The following NAALADL2 variants were observed in gnomAD, a reference collection of about 807,000 sequenced individuals.
NAALADL2 encodes the protein N-acetylated alpha-linked acidic dipeptidase like 2.
NAALADL2 carries 76 observed loss-of-function variants against 87.2 expected under a neutral mutation model. The ratio of observed to expected loss-of-function variants is 0.87; its 90% CI spans 0.72 to 1.05. The LOEUF is 1.05. Among genes scored for constraint, NAALADL2 ranks in the 50% least tolerant of loss-of-function variants. The probability of loss-of-function intolerance (pLI) is 0.00; values close to 1 mark genes in which losing one functional copy is unlikely to be tolerated. For missense variants in NAALADL2, 1,089 were observed against 945.8 expected (o/e 1.15, Z -1.99); for synonymous variants, 354 against 331.0 (o/e 1.07, Z -0.75).
At chr3:174,566,861 G>T (rs1300427509) in intron 2 of NAALADL2, among the ~76,000 whole-genome samples, 3 of 150,868 alleles carry the variant, frequency 2.0e-5, no homozygotes, top group East Asian at 3.9e-4. Context: ...CATTTGAGTG[G>T]TCCATGATTA....
chr3:175,237,218 GT>G (rs1168017635), intron 3 of NAALADL2, among the ~76,000 whole-genome samples: 10 of 152,026 alleles, frequency 6.6e-5, no homozygotes, highest in Non-Finnish European at 1.3e-4. Flanking sequence ...TCTTCTAGAT[GT>G]TTTTAGGCCA....
intron 11 of NAALADL2, among the ~76,000 whole-genome samples, chr3:175,680,186 G>C (rs948724992): frequency 1.3e-5 from 2 of 152,132 alleles, no homozygotes; most frequent in African/African-American, 4.8e-5. Flanking sequence ...TGATTGTTTA[G>C]TATCTTTAAG....
chr3:174,950,096 C>A (rs867081757), intron 1 of NAALADL2, among the ~76,000 whole-genome samples: 1 of 152,034 alleles, frequency 6.6e-6, no homozygotes, highest in Middle Eastern at 3.4e-3. Context: ...CAATCAATGA[C>A]AACAAAATAA....
intron 13 of NAALADL2, among the ~76,000 whole-genome samples, chr3:175,786,929 C>G (rs1476483322): frequency 6.6e-6 from 1 of 152,102 alleles, no homozygotes; most frequent in African/African-American, 2.4e-5. Context: ...TTCCTTCTAA[C>G]AGACAGGACC....
At chr3:174,796,780 T>A (rs1290575912) in intron 3 of NAALADL2, among the ~76,000 whole-genome samples, 1 of 82,560 alleles carries the variant, frequency 1.2e-5, no homozygotes, top group Non-Finnish European at 2.5e-5. Context: ...TTGTATGTCT[T>A]CTTTTGAGAA....
chr3:174,605,052 T>G (rs1458227003), intron 2 of NAALADL2, among the ~76,000 whole-genome samples: 1 of 152,184 alleles, frequency 6.6e-6, no homozygotes, highest in Non-Finnish European at 1.5e-5. Context: ...CATGACTGGC[T>G]CATTGTATGT....
intron 1 of NAALADL2, among the ~76,000 whole-genome samples, chr3:174,542,699 A>G (rs1178657534): frequency 6.6e-6 from 1 of 152,188 alleles, no homozygotes; most frequent in Non-Finnish European, 1.5e-5. Context: ...GCTTGTCAAC[A>G]TACAGATGTT....
chr3:175,343,666 T>TTTTTG (rs1762821716), intron 5 of NAALADL2, among the ~76,000 whole-genome samples: 1 of 144,052 alleles, frequency 6.9e-6, no homozygotes, highest in African/African-American at 2.5e-5. Flanking sequence ...TTTTTTTTTT[T>TTTTTG]TTTTTTTTTT....
chr3:175,277,641 A>G (rs1034293611), intron 4 of NAALADL2, among the ~76,000 whole-genome samples: 1 of 152,126 alleles, frequency 6.6e-6, no homozygotes. Flanking sequence ...AAACTCTTCA[A>G]TGGATTTTTT....
At chr3:175,637,085 T>C (rs1377018296) in intron 11 of NAALADL2, among the ~76,000 whole-genome samples, 3 of 152,246 alleles carry the variant, frequency 2.0e-5, no homozygotes, top group African/African-American at 7.2e-5. Context: ...TGATCCAGCT[T>C]TTAACCAACA....
chr3:175,445,534 C>T (rs1033160660), intron 5 of NAALADL2, among the ~76,000 whole-genome samples: 1 of 152,108 alleles, frequency 6.6e-6, no homozygotes, highest in Admixed American at 6.5e-5. Context: ...CAGTTTTATC[C>T]ATTATATTGA....
At chr3:175,315,679 T>C (rs1759050467) in intron 4 of NAALADL2, among the ~76,000 whole-genome samples, 1 of 152,158 alleles carries the variant, frequency 6.6e-6, no homozygotes, top group Non-Finnish European at 1.5e-5. Context: ...AAAATAAAAT[T>C]AGCATTTTCT....
intron 9 of NAALADL2, among the ~76,000 whole-genome samples, chr3:175,499,528 T>A (rs56773780): frequency 0.032 from 4,840 of 152,088 alleles, 276 homozygotes; most frequent in African/African-American, 0.11. Context: ...GTTTTTAACT[T>A]CTGAGGTTTT....
chr3:174,926,307 C>T (rs952899250), intron 1 of NAALADL2, among the ~76,000 whole-genome samples: 13 of 152,076 alleles, frequency 8.5e-5, no homozygotes, highest in Non-Finnish European at 1.8e-4. Context: ...GGAGAACTTC[C>T]CCAATCTAGC....
intron 5 of NAALADL2, among the ~76,000 whole-genome samples, chr3:175,365,931 A>T (rs1765499963): frequency 1.4e-5 from 2 of 144,524 alleles, no homozygotes; most frequent in South Asian, 4.7e-4. Flanking sequence ...CAGGTTAGTT[A>T]CATATGTATA....
chr3:174,635,592 T>C (rs1722558418), intron 2 of NAALADL2, among the ~76,000 whole-genome samples: 2 of 150,716 alleles, frequency 1.3e-5, no homozygotes, highest in South Asian at 2.2e-4. Flanking sequence ...AACTTCTGCC[T>C]CCCGGGTTCC....
At chr3:175,274,186 A>AG (rs1262727127) in intron 4 of NAALADL2, among the ~76,000 whole-genome samples, 1 of 152,190 alleles carries the variant, frequency 6.6e-6, no homozygotes, top group Non-Finnish European at 1.5e-5. Context: ...TTGTGGCAGC[A>AG]GGCAAGAAGG....
chr3:174,539,520 A>G (rs976332713), intron 1 of NAALADL2, among the ~76,000 whole-genome samples: 1 of 152,144 alleles, frequency 6.6e-6, no homozygotes, highest in Admixed American at 6.6e-5. Flanking sequence ...TCTTCATTCT[A>G]GAGACTTACT....
chr3:175,551,885 T>C (rs1055602322), intron 9 of NAALADL2, among the ~76,000 whole-genome samples: 7 of 142,098 alleles, frequency 4.9e-5, no homozygotes, highest in Non-Finnish European at 1.0e-4. Context: ...ATCACGCCAC[T>C]GCACTCCAGA....
Sources: gnomAD v4.1 joint callset for allele counts (sites outside exome capture counted in the v4.1 genomes callset) on GRCh38, gnomAD v4.1.1 for gene constraint, MANE v1.5 for transcripts, NCBI Gene and HGNC (gene_info 2026-07-23, HGNC 2026-07-21) for gene names.